Variants in ARHGAP10 observed in about 807,000 individuals in gnomAD.
ARHGAP10 encodes Rho GTPase activating protein 10.
A neutral mutation model predicts 108.6 loss-of-function variants in ARHGAP10; 87 were observed. The ratio of observed to expected loss-of-function variants is 0.80; its 90% CI spans 0.67 to 0.96. The LOEUF is 0.96. Among genes scored for constraint, ARHGAP10 ranks in the 40% least tolerant of loss-of-function variants. The probability of loss-of-function intolerance (pLI) is 0.00; values close to 1 mark genes in which losing one functional copy is unlikely to be tolerated. For synonymous variants in ARHGAP10, 347 were observed against 341.1 expected (o/e 1.02, Z -0.19); for missense variants, 939 against 954.5 (o/e 0.98, Z 0.21).
chr4:147,874,497 T>G (rs1377645009), intron 7 of ARHGAP10, among the ~76,000 whole-genome samples: 4 of 152,234 alleles, frequency 2.6e-5, no homozygotes, highest in Non-Finnish European at 5.9e-5. Flanking sequence ...AAATGTCATT[T>G]TCAAGTGCAA....
At chr4:148,004,848 G>T (rs748757677) in intron 18 of ARHGAP10, among the ~76,000 whole-genome samples, 5 of 152,146 alleles carry the variant, frequency 3.3e-5, no homozygotes, top group African/African-American at 7.2e-5. Context: ...CTGGACCCAT[G>T]GGAACTTTGA....
chr4:148,025,416 T>C (rs189466247), intron 19 of ARHGAP10, among the ~76,000 whole-genome samples: 38 of 152,234 alleles, frequency 2.5e-4, no homozygotes, highest in Non-Finnish European at 4.9e-4. Context: ...AGTTTGGTCA[T>C]AGTGATTTAA....
intron 18 of ARHGAP10, among the ~76,000 whole-genome samples, chr4:147,980,741 C>T (rs995291852): frequency 2.0e-5 from 3 of 152,032 alleles, no homozygotes; most frequent in African/African-American, 7.2e-5. Context: ...TTCAGGATTT[C>T]TCTTTCTTCT....
At chr4:147,893,613 C>G (rs1560813573) in intron 10 of ARHGAP10, among the ~76,000 whole-genome samples, 2 of 147,014 alleles carry the variant, frequency 1.4e-5, no homozygotes, top group Non-Finnish European at 3.0e-5. Flanking sequence ...ATATATAGAA[C>G]TATATATATA....
intron 1 of ARHGAP10, among the ~76,000 whole-genome samples, chr4:147,777,327 C>T (rs1195194626): frequency 1.3e-4 from 20 of 150,420 alleles, no homozygotes; most frequent in African/African-American, 4.2e-4. Context: ...GGCGCGATTT[C>T]GGCTCACTGC....
At chr4:147,981,314 C>G (rs1449287166) in intron 18 of ARHGAP10, among the ~76,000 whole-genome samples, 1 of 152,000 alleles carries the variant, frequency 6.6e-6, no homozygotes, top group Non-Finnish European at 1.5e-5. Context: ...TGTGGTTTAC[C>G]CAAAAGTCAT....
chr4:147,868,093 T>G (rs76836671), intron 7 of ARHGAP10, among the ~76,000 whole-genome samples: 2,141 of 152,230 alleles, frequency 0.014, 68 homozygotes, highest in African/African-American at 0.049. Context: ...GGTCTCACAA[T>G]TTGTGAAAAC....
chr4:147,929,585 A>T (rs1293570232), intron 13 of ARHGAP10, among the ~76,000 whole-genome samples: 1 of 152,208 alleles, frequency 6.6e-6, no homozygotes, highest in Non-Finnish European at 1.5e-5. Flanking sequence ...ATATGTAAGG[A>T]ACACATTATC....
At chr4:147,956,081 G>A (rs1226712715) in intron 16 of ARHGAP10, among the ~76,000 whole-genome samples, 1 of 152,004 alleles carries the variant, frequency 6.6e-6, no homozygotes, top group African/African-American at 2.4e-5. Context: ...AGGAAATGAA[G>A]GTTGAGACAT....
At chr4:148,000,099 C>T (rs1370778750) in intron 18 of ARHGAP10, among the ~76,000 whole-genome samples, 1 of 152,054 alleles carries the variant, frequency 6.6e-6, no homozygotes, top group African/African-American at 2.4e-5. Context: ...TGACAGGCCC[C>T]AGTGTGTGAT....
At position 147,914,800 on chromosome 4, in the gene ARHGAP10, T is replaced by C. The variant is rs10024476; in HGVS notation, c.1228+1661T>C. Among the ~76,000 whole-genome samples the C allele has an allele frequency of 7.1e-3, 1,083 of 152,318 alleles. 18 individuals are homozygous for C. The highest frequency in any genetic ancestry group is 0.025 in the African/African-American group (1,028 of 41,558). On this transcript the variant is annotated intron_variant, in intron 13 of 22. Transcript: ENST00000336498. ...ATTTGGGTTGTTTGTGTTTCTGTTTTAAATTTAGGGAAAACTAATTCCTCC... is the reference window on the plus strand; with the variant it reads ...ATTTGGGTTGTTTGTGTTTCTGTTTCAAATTTAGGGAAAACTAATTCCTCC...
intron 1 of ARHGAP10, among the ~76,000 whole-genome samples, chr4:147,761,821 G>A (rs1209448654): frequency 6.6e-6 from 1 of 152,030 alleles, no homozygotes; most frequent in Non-Finnish European, 1.5e-5. Flanking sequence ...TTTTAAAGAC[G>A]GCATTACTAG....
At chr4:147,868,924 C>CTGGGG (rs1483231074) in intron 7 of ARHGAP10, among the ~76,000 whole-genome samples, 4 of 152,114 alleles carry the variant, frequency 2.6e-5, no homozygotes, top group Non-Finnish European at 2.9e-5. Context: ...TGTCGGCAGC[C>CTGGGG]TGGGGGTTGG....
chr4:147,863,441 A>G (rs565084720), intron 5 of ARHGAP10: 1 of 152,182 alleles, frequency 6.6e-6, no homozygotes, highest in African/African-American at 2.4e-5. Flanking sequence ...TTCCTGTCTA[A>G]GGCTGAATAA....
chr4:148,031,536 G>C (rs1166339573), intron 19 of ARHGAP10, among the ~76,000 whole-genome samples: 1 of 152,194 alleles, frequency 6.6e-6, no homozygotes, highest in Non-Finnish European at 1.5e-5. Flanking sequence ...CTCTACTAGA[G>C]TGCTGAACAT....
At chr4:147,811,365 ACTGCT>A (rs1732010960) in intron 1 of ARHGAP10, among the ~76,000 whole-genome samples, 1 of 152,190 alleles carries the variant, frequency 6.6e-6, no homozygotes, top group African/African-American at 2.4e-5. Flanking sequence ...ATTGGGGTTC[ACTGCT>A]CCCTAGGGAG....
chr4:148,007,941 A>G (rs1427834765), intron 18 of ARHGAP10, among the ~76,000 whole-genome samples: 3 of 152,112 alleles, frequency 2.0e-5, no homozygotes, highest in African/African-American at 7.2e-5. Flanking sequence ...TTACTGCAGA[A>G]CTGAAATGTA....
chr4:147,773,817 CAG>C (rs1730174041), intron 1 of ARHGAP10, among the ~76,000 whole-genome samples: 1 of 152,196 alleles, frequency 6.6e-6, no homozygotes, highest in African/African-American at 2.4e-5. Flanking sequence ...TGCTCTGAAA[CAG>C]AGGCACATTT....
rs139667446 is a variant in ARHGAP10, at chr4:147,996,565, G to A, written c.1717-26698G>A. Among the ~76,000 whole-genome samples, 531 of 152,298 alleles carry A rather than the reference G, an allele frequency of 3.5e-3. 3 individuals carry two copies. Among genetic ancestry groups the A allele is most frequent in the African/African-American group, 0.012 (511 of 41,554 alleles). ...TTGGAATCGTGTACAGCCCAGTCAG[G>A]GGAGTGAACACAGCTTGAAGTGTGT... On this transcript the variant is annotated intron_variant, in intron 18 of 22. Coordinates refer to ENST00000336498, the MANE Select transcript of ARHGAP10 (RefSeq NM_024605.4).
Sources: allele counts gnomAD v4.1 joint callset (sites outside exome capture counted in the v4.1 genomes callset), GRCh38; gene constraint gnomAD v4.1.1; transcripts MANE v1.5; gene names NCBI Gene and HGNC (gene_info 2026-07-23, HGNC 2026-07-21).